Variants in PTP4A3 observed in about 807,000 individuals in gnomAD.
PTP4A3 encodes the protein protein tyrosine phosphatase 4A3.
PTP4A3 carries 9 observed loss-of-function variants against 15.2 expected under a neutral mutation model. That is an observed-to-expected ratio of 0.59 (90% confidence interval 0.36 to 1.03). The LOEUF is 1.03. PTP4A3 is among the 50% of genes least tolerant of loss of function. The probability of loss-of-function intolerance (pLI) is 0.02; values close to 1 mark genes in which losing one functional copy is unlikely to be tolerated. For missense variants in PTP4A3, 234 were observed against 252.1 expected (o/e 0.93, Z 0.49); for synonymous variants, 95 against 102.0 (o/e 0.93, Z 0.41).
chr8:141,413,205 C>G (rs1474075602), intron 1 of PTP4A3, among the ~76,000 whole-genome samples: 2 of 152,194 alleles, frequency 1.3e-5, no homozygotes, highest in Non-Finnish European at 1.5e-5. Flanking sequence ...GGGGCCTCCT[C>G]TGGGCCTGCT....
chr8:141,431,087 C>CT lies in PTP4A3; in HGVS notation c.*45dup, dbSNP rs1218903400. On this transcript the variant is annotated 3_prime_UTR_variant, in exon 6 of 6. Coordinates refer to ENST00000521578, the MANE Select transcript of PTP4A3 (RefSeq NM_032611.3). ...GCCTGGTCGTCATGTAGGTCAGGAC[C>CT]TTGGCTGGACCTGGAGGCCCTGCCC... 1 of 1,587,450 alleles carries CT rather than the reference C, an allele frequency of 6.3e-7. No homozygotes were observed. Among genetic ancestry groups the CT allele is most frequent in the African/African-American group, 1.3e-5 (1 of 74,366 alleles).
At chr8:141,408,988 G>A (rs1277118128) in intron 1 of PTP4A3, among the ~76,000 whole-genome samples, 1 of 152,220 alleles carries the variant, frequency 6.6e-6, no homozygotes, top group African/African-American at 2.4e-5. Context: ...GTGTCACCAC[G>A]CCCTGATGTG....
intron 1 of PTP4A3, among the ~76,000 whole-genome samples, chr8:141,420,199 T>C (rs1442082628): frequency 1.3e-5 from 2 of 152,236 alleles, no homozygotes; most frequent in East Asian, 3.9e-4. Context: ...TGAAGTGCCT[T>C]TCCTTGGGTA....
intron 1 of PTP4A3, among the ~76,000 whole-genome samples, chr8:141,402,593 G>C (rs1033136711): frequency 2.6e-5 from 4 of 152,126 alleles, no homozygotes; most frequent in Admixed American, 6.5e-5. Context: ...TCCTGCCTTC[G>C]GGAGCTGGGT....
chr8:141,415,665 G>A (rs1455591177), intron 1 of PTP4A3, among the ~76,000 whole-genome samples: 2 of 33,478 alleles, frequency 6.0e-5, no homozygotes, highest in Non-Finnish European at 1.3e-4. Flanking sequence ...GGGCAGGGGT[G>A]GTGAAGGGTA....
At chr8:141,409,731 G>A (rs962223319) in intron 1 of PTP4A3, among the ~76,000 whole-genome samples, 6 of 152,226 alleles carry the variant, frequency 3.9e-5, no homozygotes, top group African/African-American at 1.4e-4. Context: ...CTTCTCTCCT[G>A]GGAGCTGGGC....
chr8:141,393,603 AG>A (rs765265625), intron 1 of PTP4A3, among the ~76,000 whole-genome samples: 7 of 152,176 alleles, frequency 4.6e-5, no homozygotes, highest in African/African-American at 7.2e-5. Flanking sequence ...GAGAAAATGC[AG>A]GCGGGGATGA....
intron 1 of PTP4A3, among the ~76,000 whole-genome samples, chr8:141,412,409 C>T (rs977201732): frequency 9.9e-5 from 15 of 152,136 alleles, no homozygotes; most frequent in African/African-American, 3.4e-4. Flanking sequence ...CTCCTGTTCC[C>T]GTGAAGGTGC....
chr8:141,430,916 C>T lies in PTP4A3; in HGVS notation c.405-11C>T, dbSNP rs148820285. The stretch of plus-strand genomic sequence containing the variant: ...CTTGGATGATCTCTGTTCCTGTTCC[C>T]CTCTTCCCAGGAAGCGCCGCGGAGC... On this transcript the variant is annotated splice_polypyrimidine_tract_variant and intron_variant, in intron 5 of 5. Transcript: ENST00000521578. The T allele has an allele frequency of 6.2e-7, 1 of 1,612,444 alleles. No homozygotes were observed. The highest frequency in any genetic ancestry group is 1.1e-5 in the South Asian group (1 of 91,074).
At chr8:141,419,569 CG>C (rs1833228801) in intron 1 of PTP4A3, among the ~76,000 whole-genome samples, 2 of 119,912 alleles carry the variant, frequency 1.7e-5, no homozygotes, top group African/African-American at 3.1e-5. Flanking sequence ...ACCCCACCAC[CG>C]GTTTTTTTTT....
Position 141,431,120 on chromosome 8 carries a change from C to A in PTP4A3, c.*76C>A. 7.0e-7 allele frequency: 1 copy of A among 1,421,920 alleles called. No individual in the cohort carries two copies. Among genetic ancestry groups the A allele is most frequent in the Non-Finnish European group, 9.9e-7 (1 of 1,011,712 alleles). The allele number at this position is 1,421,920 out of a possible 1,614,324, so 88.1% of individuals were successfully genotyped here. A position where few individuals can be genotyped will look rare whatever the true frequency, so the allele number is the denominator to read the frequency against. On this transcript the variant is annotated 3_prime_UTR_variant, in exon 6 of 6. Coordinates refer to ENST00000521578, the MANE Select transcript of PTP4A3 (RefSeq NM_032611.3). ...GACCTGGAGGCCCTGCCCAGCCCTGCTCTGCCCAGCCCAGCAGGGGCTCCA... is the reference window on the plus strand; with the variant it reads ...GACCTGGAGGCCCTGCCCAGCCCTGATCTGCCCAGCCCAGCAGGGGCTCCA...
intron 1 of PTP4A3, among the ~76,000 whole-genome samples, chr8:141,397,007 C>T (rs1206325265): frequency 6.6e-6 from 1 of 152,152 alleles, no homozygotes; most frequent in Non-Finnish European, 1.5e-5. Flanking sequence ...CACAGCCTCT[C>T]CTCCCTTGCT....
At chr8:141,409,997 C>T (rs539115199) in intron 1 of PTP4A3, among the ~76,000 whole-genome samples, 3 of 152,378 alleles carry the variant, frequency 2.0e-5, no homozygotes, top group African/African-American at 7.2e-5. Flanking sequence ...CCTCAAGCCA[C>T]TGTCACCACG....
At chr8:141,412,420 T>C (rs532758751) in intron 1 of PTP4A3, among the ~76,000 whole-genome samples, 1 of 152,260 alleles carries the variant, frequency 6.6e-6, no homozygotes, top group South Asian at 2.1e-4. Flanking sequence ...GTGAAGGTGC[T>C]GGGTGGGGTG....
intron 1 of PTP4A3, among the ~76,000 whole-genome samples, chr8:141,408,541 C>T (rs1481019020): frequency 2.0e-5 from 3 of 152,008 alleles, no homozygotes; most frequent in Non-Finnish European, 4.4e-5. Flanking sequence ...ATTGCTTGAA[C>T]CCGGGGGCGG....
In PTP4A3 at chr8:141,413,389, C is replaced by T. The variant is rs188269133; in HGVS notation, c.-853-7999C>T. Among the ~76,000 whole-genome samples the T allele has an allele frequency of 4.3e-4, 65 of 152,330 alleles. 1 individual carries two copies. Among genetic ancestry groups the T allele is most frequent in the African/African-American group, 4.6e-4 (19 of 41,568 alleles). ...TGGCATGGCACTGGCTAAATGGGGC[C>T]CAGGAGGAAGGCAGCAGGACCGTGG... On this transcript the variant is annotated intron_variant, in intron 1 of 5. Transcript: ENST00000521578.
rs765923893 is a variant in PTP4A3 at position 141,422,214 on chromosome 8, G to T, written c.-27G>T. 4 of 1,612,116 alleles carry T rather than the reference G, an allele frequency of 2.5e-6. No individual in the cohort carries two copies. The highest frequency in any genetic ancestry group is 4.5e-5 in the East Asian group (2 of 44,874). On this transcript the variant is annotated 5_prime_UTR_variant, in exon 2 of 6. Transcript: ENST00000521578. Reference sequence around the variant, plus strand: ...CCCAGCCTTCTCTGCAGTCCCTTCTGCCCTGCCGGGCCCGTCGGGAGGCGC... The same window carrying T: ...CCCAGCCTTCTCTGCAGTCCCTTCTTCCCTGCCGGGCCCGTCGGGAGGCGC...
At chr8:141,427,703 A>T in intron 4 of PTP4A3, 47 bp from the exon 5 acceptor site, 1 of 1,498,140 alleles carries the variant, frequency 6.7e-7, no homozygotes, top group Non-Finnish European at 9.1e-7. Context: ...CCAAGGGGAC[A>T]GGGGTGCGCA....
rs1203224482 is a variant in PTP4A3, at chr8:141,425,822, C to G, written c.198+682C>G. ...GGCTGGGGTTGCAGTTTTGTGACCTCAGCTTGGCGGTTTGGAATGGTGGCA... is the reference window on the plus strand; with the variant it reads ...GGCTGGGGTTGCAGTTTTGTGACCTGAGCTTGGCGGTTTGGAATGGTGGCA... On this transcript the variant is annotated intron_variant, in intron 3 of 5. Coordinates refer to ENST00000521578, the MANE Select transcript of PTP4A3 (RefSeq NM_032611.3). The surrounding 1 kb of genome is among the most constrained non-coding windows in gnomAD (Gnocchi z 4.2). Among the ~76,000 whole-genome samples, 1 of 152,190 alleles carries G rather than the reference C, an allele frequency of 6.6e-6. No individual in the cohort carries two copies. Among genetic ancestry groups the G allele is most frequent in the Non-Finnish European group, 1.5e-5 (1 of 68,014 alleles).
Sources: gnomAD v4.1 joint callset for allele counts (sites outside exome capture counted in the v4.1 genomes callset) on GRCh38, gnomAD v4.1.1 for gene constraint, Gnocchi (gnomAD v3.1) non-coding constraint, MANE v1.5 for transcripts, NCBI Gene and HGNC (gene_info 2026-07-23, HGNC 2026-07-21) for gene names.